DDX60L: variants seen among roughly 807,000 people sequenced by gnomAD.
The protein encoded by DDX60L is probable ATP-dependent RNA helicase DDX60-like.
In DDX60L, 191 loss-of-function variants were observed where a neutral mutation model predicts 211.6. The ratio of observed to expected loss-of-function variants is 0.90; its 90% CI spans 0.80 to 1.02. The LOEUF is 1.02. Among genes scored for constraint, DDX60L ranks in the 50% least tolerant of loss-of-function variants. The pLI, the probability that DDX60L is intolerant of heterozygous loss-of-function variation, is 0.00. For synonymous variants in DDX60L, 706 were observed against 694.1 expected, an observed-to-expected ratio of 1.02 and a Z score of -0.27; for missense variants, 2,007 against 1,984.1, an observed-to-expected ratio of 1.01 and a Z score of -0.22.
In DDX60L at chr4:168,415,718, G is replaced by C; in HGVS notation, c.2808C>G (p.Asp936Glu). ...GGTCTTGGAGAAAGTTGAGACATTT[G>C]TCAGCCTGTTTTTCAGAAATACATT... ...EEKCISEKQA[D>E]KCLNFLQDHS... The change falls in exon 21 of 38, where the codon GAC (aspartate) becomes GAG (glutamate). Residue 936 changes from aspartate (D) to glutamate (E), a missense_variant. Coordinates refer to ENST00000682922, the MANE Select transcript of DDX60L (RefSeq NM_001012967.3). The C allele has an allele frequency of 1.9e-6, 3 of 1,603,150 alleles. No individual in the cohort carries two copies. Among genetic ancestry groups the C allele is most frequent in the Non-Finnish European group, 2.6e-6 (3 of 1,173,814 alleles).
chr4:168,357,943 G>T lies in DDX60L; in HGVS notation c.*204C>A. ...ACTAGAGGTATTCATTTTTACTCCG[G>T]TTTTGCCAAAAATGAAGTTAAAGCT... On this transcript the variant is annotated 3_prime_UTR_variant, in exon 38 of 38. Transcript: ENST00000682922. 1 of 452,768 alleles carries T rather than the reference G, an allele frequency of 2.2e-6. No individual in the cohort carries two copies. The highest frequency in any genetic ancestry group is 3.0e-5 in the South Asian group (1 of 33,810). The allele number at this position is 452,768 out of a possible 1,614,324, so 28.0% of individuals were successfully genotyped here.
intron 13 of DDX60L, among the ~76,000 whole-genome samples, chr4:168,428,669 C>A (rs1751851038): frequency 6.6e-6 from 1 of 152,126 alleles, no homozygotes; most frequent in African/African-American, 2.4e-5. Context: ...TTTACCAAAG[C>A]AAATAAATGT....
intron 4 of DDX60L, among the ~76,000 whole-genome samples, chr4:168,468,189 TAAAC>T (rs964252513): frequency 1.3e-5 from 2 of 151,504 alleles, no homozygotes; most frequent in African/African-American, 2.4e-5. Context: ...AATAAATAAA[TAAAC>T]AAGTAAAATT....
intron 3 of DDX60L, among the ~76,000 whole-genome samples, 171 bp downstream of exon 3, chr4:168,472,284 T>G (rs1248464645): frequency 6.6e-6 from 1 of 152,156 alleles, no homozygotes; most frequent in African/African-American, 2.4e-5. Context: ...AAACAATCTG[T>G]TCAGTGACAG....
chr4:168,473,053 C>T lies in DDX60L; in HGVS notation c.-110-244G>A, dbSNP rs143190005. Among the ~76,000 whole-genome samples the T allele has an allele frequency of 8.9e-4, 135 of 152,094 alleles. 2 individuals carry two copies. In the East Asian group the frequency reaches 0.024, roughly 27 times the overall value. On this transcript the variant is annotated intron_variant, in intron 1 of 37. Transcript: ENST00000682922. ...TGAGTACTCCCTTATAGTTAATTTGCCCCCCAAAAAAAGCAATAAAAAGTA... is the reference window on the plus strand; with the variant it reads ...TGAGTACTCCCTTATAGTTAATTTGTCCCCCAAAAAAAGCAATAAAAAGTA...
At chr4:168,369,724 AC>A (rs1223066330) in intron 36 of DDX60L, among the ~76,000 whole-genome samples, 1 of 151,948 alleles carries the variant, frequency 6.6e-6, no homozygotes, top group Non-Finnish European at 1.5e-5. Context: ...AAGAAACATA[AC>A]AGCAAAAAAA....
intron 9 of DDX60L, 34 bp downstream of exon 9, chr4:168,448,604 C>T: frequency 7.0e-7 from 1 of 1,437,022 alleles, no homozygotes; most frequent in Non-Finnish European, 9.4e-7. Context: ...ATAATTTGTT[C>T]ATGATATAAT....
At chr4:168,365,629 A>T (rs1189221125) in intron 36 of DDX60L, among the ~76,000 whole-genome samples, 1 of 151,982 alleles carries the variant, frequency 6.6e-6, no homozygotes, top group Non-Finnish European at 1.5e-5. Context: ...TCTTCAAGCT[A>T]TTAAGGGAAT....
intron 6 of DDX60L, among the ~76,000 whole-genome samples, chr4:168,457,261 T>TATACAC (rs139881909): frequency 3.4e-5 from 5 of 145,306 alleles, no homozygotes; most frequent in South Asian, 2.2e-4. Flanking sequence ...ATAAACTACA[T>TATACAC]ACACACACAC....
Position 168,391,630 on chromosome 4 carries a change from A to T in DDX60L, c.3825T>A (p.Thr1275=). ...TGTGGATCCCTAAGGCAAGTGTTTCAGTAGCTGTCACTACCTAGGAAAAAA... is the reference window on the plus strand; with the variant it reads ...TGTGGATCCCTAAGGCAAGTGTTTCTGTAGCTGTCACTACCTAGGAAAAAA... ...VKGLIRVVTA[T]ETLALGIHMP... Residue 1275 remains threonine (T), a synonymous_variant, in exon 29 of 38, where the codon ACT becomes ACA. Transcript: ENST00000682922. 6.4e-7 allele frequency: 1 copy of T among 1,554,590 alleles called. No homozygotes were observed. Among genetic ancestry groups the T allele is most frequent in the Non-Finnish European group, 8.8e-7 (1 of 1,141,402 alleles).
intron 26 of DDX60L, among the ~76,000 whole-genome samples, chr4:168,398,134 C>T (rs986535828): frequency 1.1e-4 from 17 of 152,164 alleles, no homozygotes; most frequent in East Asian, 5.8e-4. Flanking sequence ...CCCAGGAAGG[C>T]CCCCTTCCCT....
At chr4:168,408,571 T>C (rs1748148583) in intron 22 of DDX60L, among the ~76,000 whole-genome samples, 1 of 152,066 alleles carries the variant, frequency 6.6e-6, no homozygotes, top group African/African-American at 2.4e-5. Context: ...TTGTACTTCT[T>C]CATTCATAAA....
intron 3 of DDX60L, 56 bp from the exon 4 acceptor site, chr4:168,471,992 G>A (rs1579885142): frequency 7.2e-7 from 1 of 1,390,698 alleles, no homozygotes; most frequent in Non-Finnish European, 9.9e-7. Context: ...AGACTTTGTT[G>A]CTGTTGTTGT....
intron 36 of DDX60L, 40 bp downstream of exon 36, chr4:168,371,563 AGATATATAT>A: frequency 9.5e-7 from 1 of 1,052,420 alleles, no homozygotes; most frequent in Non-Finnish European, 1.3e-6. Context: ...AATAAAACAT[AGATATATAT>A]GTATGTATAT....
chr4:168,379,293 T>C (rs924156317), intron 32 of DDX60L, 70 bp downstream of exon 32: 1 of 1,288,740 alleles, frequency 7.8e-7, no homozygotes, highest in Non-Finnish European at 1.0e-6. Flanking sequence ...GAGAAAAACA[T>C]ATCTGCGGTT....
chr4:168,380,057 C>T (rs1387329), intron 30 of DDX60L: 331,591 of 372,136 alleles, frequency 0.89, 150,870 homozygotes, highest in East Asian at 1. Context: ...ATAACCCAGA[C>T]TGGCAAATAA....
rs558667464 is a variant in DDX60L, at chr4:168,455,314, AGGGATGCATAT to A, written c.837+714_837+724del. Among the ~76,000 whole-genome samples, 5 of 103,484 alleles carry A rather than the reference AGGGATGCATAT, an allele frequency of 4.8e-5. No individual in the cohort carries two copies. In the South Asian group the frequency reaches 1.6e-3, roughly 33 times the overall value. 67.9% of individuals were successfully genotyped at this position (103,484 alleles called of 152,430 possible). ...TGTGTGTGTGTGTACTTATGCAAGCAGGGATGCATATAGTAGAGCGGAAAATCCATGTTCCT... is the reference window on the plus strand; with the variant it reads ...TGTGTGTGTGTGTACTTATGCAAGCAAGTAGAGCGGAAAATCCATGTTCCT... On this transcript the variant is annotated intron_variant, in intron 7 of 37. Transcript: ENST00000682922.
intron 29 of DDX60L, among the ~76,000 whole-genome samples, chr4:168,391,231 G>A (rs1050382309): frequency 6.6e-6 from 1 of 152,042 alleles, no homozygotes; most frequent in Admixed American, 6.5e-5. Context: ...ATAAAATAAA[G>A]GAGCACTATA....
In DDX60L at chr4:168,428,198, C is replaced by A. The variant is rs80056297; in HGVS notation, c.1678-876G>T. On this transcript the variant is annotated intron_variant, in intron 13 of 37. Transcript: ENST00000682922. ...CAGCCCCACCTGGCCACCCTCAGCC[C>A]AGAGGAGGTTAGGTCTGTGGGCTGA... 1.3e-3 allele frequency among the ~76,000 whole-genome samples: 191 copies of A among 152,320 alleles called. 2 individuals carry two copies. The East Asian group carries it at 0.032, about 25-fold the overall frequency.
Sources: allele counts gnomAD v4.1 joint callset (sites outside exome capture counted in the v4.1 genomes callset), GRCh38; gene constraint gnomAD v4.1.1; transcripts MANE v1.5; gene names NCBI Gene and HGNC (gene_info 2026-07-23, HGNC 2026-07-21).